Variants in EPHA5 observed in about 807,000 individuals in gnomAD.
EPHA5 encodes the protein ephrin type-A receptor 5.
In EPHA5, 60 loss-of-function variants were observed where a neutral mutation model predicts 105.0. The ratio of observed to expected loss-of-function variants is 0.57; its 90% CI spans 0.46 to 0.71. The LOEUF is 0.71. Ranked by LOEUF, EPHA5 falls within the 30% of genes least tolerant of loss-of-function variation. EPHA5 has a pLI of 0.00. For synonymous variants in EPHA5, 513 were observed against 449.1 expected, an observed-to-expected ratio of 1.14 and a Z score of -1.80; for missense variants, 1,218 against 1,274.7, an observed-to-expected ratio of 0.96 and a Z score of 0.68.
rs1468826177 is a variant in EPHA5 at position 65,612,443 on chromosome 4, C to T, written c.247-10139G>A. 7.9e-5 allele frequency among the ~76,000 whole-genome samples: 12 copies of T among 152,274 alleles called. No individual in the cohort carries two copies. In the East Asian group the frequency reaches 2.3e-3, roughly 29 times the overall value. ...CATCTGGAATTTGACTGTTTCTGAACTGTTTCACTTATGATAATGGCCTCT... is the reference window on the plus strand; with the variant it reads ...CATCTGGAATTTGACTGTTTCTGAATTGTTTCACTTATGATAATGGCCTCT... On this transcript the variant is annotated intron_variant, in intron 2 of 16. Coordinates refer to ENST00000613740, the MANE Select transcript of EPHA5 (RefSeq NM_001281766.3).
At chr4:65,662,035 G>C (rs1442599188) in intron 1 of EPHA5, among the ~76,000 whole-genome samples, 1 of 152,022 alleles carries the variant, frequency 6.6e-6, no homozygotes, top group Non-Finnish European at 1.5e-5. Context: ...CTTCCTTGAG[G>C]GTGTTGGAAC....
chr4:65,667,501 T>C (rs1490172887), intron 1 of EPHA5, among the ~76,000 whole-genome samples: 2 of 152,114 alleles, frequency 1.3e-5, no homozygotes, highest in Non-Finnish European at 2.9e-5. Context: ...CCCATCTCCG[T>C]GTAGTCCAAG....
chr4:65,358,029 T>C (rs1723474648), intron 11 of EPHA5, among the ~76,000 whole-genome samples: 1 of 151,340 alleles, frequency 6.6e-6, no homozygotes, highest in Non-Finnish European at 1.5e-5. Context: ...CAGAATATGA[T>C]ATCTGACAAG....
At chr4:65,545,191 G>A (rs1219640245) in intron 3 of EPHA5, among the ~76,000 whole-genome samples, 1 of 151,866 alleles carries the variant, frequency 6.6e-6, no homozygotes, top group East Asian at 1.9e-4. Flanking sequence ...TGACATCGGA[G>A]AATCAGCATC....
rs530808391 is a variant in EPHA5, at chr4:65,350,594, A to G, written c.2445+795T>C. ...ACTGAACATATTTAGAATTAAGCAA[A>G]TATTGTTTATCATAAGGAATTCAAA... On this transcript the variant is annotated intron_variant, in intron 13 of 16. Transcript: ENST00000613740. Among the ~76,000 whole-genome samples, 8 of 152,212 alleles carry G rather than the reference A, an allele frequency of 5.3e-5. No homozygotes were observed. In the South Asian group the frequency reaches 1.7e-3, roughly 32 times the overall value.
intron 3 of EPHA5, among the ~76,000 whole-genome samples, chr4:65,590,219 C>G (rs1023557349): frequency 6.6e-6 from 1 of 152,074 alleles, no homozygotes; most frequent in Non-Finnish European, 1.5e-5. Flanking sequence ...CTTTACAGTG[C>G]TCAAATGAGC....
intron 5 of EPHA5, among the ~76,000 whole-genome samples, chr4:65,439,059 T>C (rs75803610): frequency 0.017 from 2,651 of 152,202 alleles, 71 homozygotes; most frequent in African/African-American, 0.06. Flanking sequence ...GTAGATACTA[T>C]CATTATGCCC....
chr4:65,481,925 T>G (rs905432345), intron 5 of EPHA5, among the ~76,000 whole-genome samples: 6 of 152,200 alleles, frequency 3.9e-5, no homozygotes, highest in Non-Finnish European at 8.8e-5. Flanking sequence ...GTTCAGACAC[T>G]TGGAGTTCTT....
At chr4:65,475,051 T>C (rs1729657344) in intron 5 of EPHA5, among the ~76,000 whole-genome samples, 3 of 152,118 alleles carry the variant, frequency 2.0e-5, no homozygotes, top group African/African-American at 7.2e-5. Flanking sequence ...AAATAGAGAC[T>C]AAAAAAGATA....
At chr4:65,520,850 GCA>G (rs1734628366) in intron 3 of EPHA5, among the ~76,000 whole-genome samples, 1 of 152,140 alleles carries the variant, frequency 6.6e-6, no homozygotes, top group Non-Finnish European at 1.5e-5. Flanking sequence ...AGTTAGAATT[GCA>G]ATCATTAAAA....
intron 8 of EPHA5, among the ~76,000 whole-genome samples, chr4:65,375,712 A>G (rs760387533): frequency 6.6e-6 from 1 of 151,858 alleles, no homozygotes; most frequent in Non-Finnish European, 1.5e-5. Context: ...GTTAAAAACT[A>G]TAATTGACAC....
At chr4:65,342,864 T>C (rs938009558) in intron 14 of EPHA5, among the ~76,000 whole-genome samples, 4 of 151,982 alleles carry the variant, frequency 2.6e-5, no homozygotes, top group Non-Finnish European at 4.4e-5. Flanking sequence ...GTTGATCTTT[T>C]CTGGAGTCAA....
intron 3 of EPHA5, among the ~76,000 whole-genome samples, chr4:65,528,582 G>T (rs1735465133): frequency 6.6e-6 from 1 of 152,070 alleles, no homozygotes; most frequent in Non-Finnish European, 1.5e-5. Flanking sequence ...TTCCAAGAGG[G>T]AAATACGTAG....
At chr4:65,489,745 G>A (rs1019300546) in intron 5 of EPHA5, among the ~76,000 whole-genome samples, 1 of 152,108 alleles carries the variant, frequency 6.6e-6, no homozygotes, top group Non-Finnish European at 1.5e-5. Flanking sequence ...GCTCAGACAC[G>A]ACTGTATTCC....
rs986622573 is a variant in EPHA5 at position 65,435,894 on chromosome 4, C to T, written c.1403-15329G>A. Among the ~76,000 whole-genome samples the T allele has an allele frequency of 3.3e-5, 5 of 152,062 alleles. No individual in the cohort carries two copies. The South Asian group carries it at 1.0e-3, about 32-fold the overall frequency. ...CATATTGAACATCTCCAATTAAATA[C>T]CTGCATTAATAAAATGTAACTATTC... On this transcript the variant is annotated intron_variant, in intron 5 of 16. Transcript: ENST00000613740.
intron 3 of EPHA5, among the ~76,000 whole-genome samples, chr4:65,594,677 C>T (rs1021417753): frequency 1.3e-5 from 2 of 152,128 alleles, no homozygotes; most frequent in Middle Eastern, 3.4e-3. Context: ...GCCAAGTCCC[C>T]GTATTTGTCC....
At chr4:65,652,668 G>T (rs892712211) in intron 1 of EPHA5, among the ~76,000 whole-genome samples, 18 of 152,018 alleles carry the variant, frequency 1.2e-4, no homozygotes, top group Non-Finnish European at 1.5e-4. Context: ...ACATATCAAT[G>T]AATTTTATGA....
chr4:65,609,012 T>C (rs182351049), intron 2 of EPHA5, among the ~76,000 whole-genome samples: 139 of 152,320 alleles, frequency 9.1e-4, no homozygotes, highest in African/African-American at 3.0e-3. Context: ...TGTGCCCTTG[T>C]TGTAGAATTA....
chr4:65,474,259 T>C, intron 5 of EPHA5, among the ~76,000 whole-genome samples: 1 of 152,122 alleles, frequency 6.6e-6, no homozygotes, highest in East Asian at 1.9e-4. Context: ...CATTAGATAA[T>C]GAGAGTTTTC....
Sources: gnomAD v4.1 joint callset for allele counts (sites outside exome capture counted in the v4.1 genomes callset) on GRCh38, gnomAD v4.1.1 for gene constraint, MANE v1.5 for transcripts, NCBI Gene and HGNC (gene_info 2026-07-23, HGNC 2026-07-21) for gene names.